CHST11: variants seen among roughly 807,000 people sequenced by gnomAD.
The protein encoded by CHST11 is carbohydrate sulfotransferase 11.
A neutral mutation model predicts 30.4 loss-of-function variants in CHST11; 9 were observed. The observed-to-expected ratio is 0.30, with a 90% CI of 0.18 to 0.52. The LOEUF is 0.52. Ranked by LOEUF, CHST11 falls within the 20% of genes least tolerant of loss-of-function variation. The pLI is 0.97. For synonymous variants in CHST11, 152 were observed against 187.8 expected (o/e 0.81, Z 1.56); for missense variants, 348 against 460.6 (o/e 0.76, Z 2.24).
chr12:104,458,420 A>G lies in CHST11; in HGVS notation c.118+891A>G, dbSNP rs2037376474. 6.6e-6 allele frequency among the ~76,000 whole-genome samples: 1 copy of G among 152,186 alleles called. No individual in the cohort carries two copies. Among genetic ancestry groups the G allele is most frequent in the Non-Finnish European group, 1.5e-5 (1 of 68,022 alleles). On this transcript the variant is annotated intron_variant, in intron 1 of 2. Coordinates refer to ENST00000303694, the MANE Select transcript of CHST11 (RefSeq NM_018413.6). The surrounding 1 kb of genome is among the most constrained non-coding windows in gnomAD (Gnocchi z 5.7). Reference sequence around the variant, plus strand: ...CCTCCGGTCCCTTGTGGCTCAGGCAAAGTTCCACGTCCGAAATCTGGACTG... The same window carrying G: ...CCTCCGGTCCCTTGTGGCTCAGGCAGAGTTCCACGTCCGAAATCTGGACTG...
chr12:104,496,302 A>G (rs2037797856), intron 1 of CHST11, among the ~76,000 whole-genome samples: 1 of 152,236 alleles, frequency 6.6e-6, no homozygotes, highest in Non-Finnish European at 1.5e-5. Flanking sequence ...TACATGTGCT[A>G]TAATGCCTGT....
chr12:104,671,645 G>T (rs772241275), intron 2 of CHST11, among the ~76,000 whole-genome samples: 1 of 152,146 alleles, frequency 6.6e-6, no homozygotes, highest in Non-Finnish European at 1.5e-5. Context: ...TTAAAGTGAG[G>T]TGATACTTTA....
At chr12:104,591,976 A>G (rs761678781) in intron 1 of CHST11, among the ~76,000 whole-genome samples, 2 of 150,426 alleles carry the variant, frequency 1.3e-5, no homozygotes, top group Non-Finnish European at 3.0e-5. Context: ...CTCGGCCTAT[A>G]GCCAGCAGTG....
intron 2 of CHST11, among the ~76,000 whole-genome samples, chr12:104,614,155 C>G (rs56000183): frequency 1.3e-5 from 2 of 152,012 alleles, no homozygotes. Flanking sequence ...TGTTGTATAC[C>G]ATGAATATAT....
chr12:104,577,824 C>G (rs894408333), intron 1 of CHST11, among the ~76,000 whole-genome samples: 1 of 152,148 alleles, frequency 6.6e-6, no homozygotes, highest in Non-Finnish European at 1.5e-5. Context: ...ACAAATGGGC[C>G]TTTTTATACT....
intron 1 of CHST11, among the ~76,000 whole-genome samples, chr12:104,514,911 G>C (rs2038006815): frequency 1.3e-5 from 2 of 152,160 alleles, no homozygotes; most frequent in Non-Finnish European, 2.9e-5. Context: ...AGTTTCCTCA[G>C]CGGTAAACTG....
intron 1 of CHST11, among the ~76,000 whole-genome samples, chr12:104,527,979 C>A (rs2135992666): frequency 6.6e-6 from 1 of 152,300 alleles, no homozygotes; most frequent in Non-Finnish European, 1.5e-5. Flanking sequence ...GGGGAAACCA[C>A]CCCCATGATC....
chr12:104,703,504 G>A lies in CHST11; in HGVS notation c.205-53445G>A, dbSNP rs369700266. Among the ~76,000 whole-genome samples the A allele has an allele frequency of 5.9e-5, 9 of 152,124 alleles. No homozygotes were observed. In the East Asian group the frequency reaches 1.5e-3, roughly 26 times the overall value. On this transcript the variant is annotated intron_variant, in intron 2 of 2. Coordinates refer to ENST00000303694, the MANE Select transcript of CHST11 (RefSeq NM_018413.6). ...TAATTCAACCACTTCCCCCCACCCC[G>A]GCTGCCGTCTTTCTTCTCCAGTCTC...
chr12:104,644,080 T>C (rs2039403896), intron 2 of CHST11, among the ~76,000 whole-genome samples: 1 of 152,158 alleles, frequency 6.6e-6, no homozygotes, highest in East Asian at 1.9e-4. Flanking sequence ...CAGTTGTGGA[T>C]TGGCTCACGG....
intron 1 of CHST11, among the ~76,000 whole-genome samples, chr12:104,479,880 G>A (rs2037602708): frequency 2.0e-5 from 3 of 152,150 alleles, no homozygotes; most frequent in Admixed American, 6.5e-5. Context: ...CTGCCTTCCT[G>A]CCAGTGGGAA....
intron 2 of CHST11, among the ~76,000 whole-genome samples, chr12:104,660,653 A>C (rs2039590585): frequency 6.6e-6 from 1 of 151,916 alleles, no homozygotes; most frequent in Non-Finnish European, 1.5e-5. Context: ...GTGAAGATAG[A>C]AGTGTACTCC....
chr12:104,613,300 T>C (rs1031642691), intron 2 of CHST11, among the ~76,000 whole-genome samples: 7 of 151,742 alleles, frequency 4.6e-5, no homozygotes, highest in Admixed American at 2.0e-4. Context: ...GATATAGATA[T>C]ATAGATACAT....
Position 104,588,486 on chromosome 12 carries a change from A to G in CHST11, c.119-13420A>G, listed in dbSNP as rs117797144. ...TGCTCTGAGTGGGTTCCTGCAGCCTATGACCCAGACTTGAGTCACAGACTG... is the reference window on the plus strand; with the variant it reads ...TGCTCTGAGTGGGTTCCTGCAGCCTGTGACCCAGACTTGAGTCACAGACTG... On this transcript the variant is annotated intron_variant, in intron 1 of 2. Transcript: ENST00000303694. Among the ~76,000 whole-genome samples the G allele has an allele frequency of 4.3e-3, 660 of 152,304 alleles. 31 individuals are homozygous for G. The East Asian group carries it at 0.086, about 20-fold the overall frequency.
chr12:104,488,740 CGTGTGT>C (rs56383997), intron 1 of CHST11, among the ~76,000 whole-genome samples: 2,429 of 145,784 alleles, frequency 0.017, 22 homozygotes, highest in South Asian at 0.022. Context: ...TATGTGTACG[CGTGTGT>C]GTGTGTGTGT....
intron 2 of CHST11, among the ~76,000 whole-genome samples, chr12:104,643,745 T>A (rs571537422): frequency 1.8e-4 from 28 of 152,274 alleles, no homozygotes; most frequent in Middle Eastern, 3.4e-3. Flanking sequence ...TTATTCTAGA[T>A]CAGGGATGGA....
At chr12:104,528,032 A>T (rs2038145807) in intron 1 of CHST11, among the ~76,000 whole-genome samples, 1 of 152,200 alleles carries the variant, frequency 6.6e-6, no homozygotes, top group Non-Finnish European at 1.5e-5. Context: ...CGTGGGGACT[A>T]CAAGTGGAGA....
chr12:104,526,215 TA>T (rs11292565), intron 1 of CHST11, among the ~76,000 whole-genome samples: 53,175 of 145,802 alleles, frequency 0.36, 9,603 homozygotes, highest in African/African-American at 0.41. Context: ...ATCATTTTCT[TA>T]AAAAAAAAAA....
At chr12:104,466,690 G>A (rs920007685) in intron 1 of CHST11, among the ~76,000 whole-genome samples, 12 of 152,192 alleles carry the variant, frequency 7.9e-5, no homozygotes, top group African/African-American at 2.9e-4. Flanking sequence ...TGAACGATGA[G>A]CAAATAATCA....
intron 1 of CHST11, among the ~76,000 whole-genome samples, chr12:104,475,357 A>G (rs935548535): frequency 5.4e-5 from 8 of 148,936 alleles, no homozygotes; most frequent in African/African-American, 9.9e-5. Flanking sequence ...GGTGGCTAGG[A>G]AAAAAAAAAG....
Sources: gnomAD v4.1 joint callset for allele counts (sites outside exome capture counted in the v4.1 genomes callset) on GRCh38, gnomAD v4.1.1 for gene constraint, Gnocchi (gnomAD v3.1) non-coding constraint, MANE v1.5 for transcripts, NCBI Gene and HGNC (gene_info 2026-07-23, HGNC 2026-07-21) for gene names.